Variants in KCNK9 observed in about 807,000 individuals in gnomAD.
The protein encoded by KCNK9 is potassium two pore domain channel subfamily K member 9.
Under a neutral mutation model 10.8 loss-of-function variants are expected in KCNK9, and 1 was observed. That is an observed-to-expected ratio of 0.09 (90% CI 0.03 to 0.44). The LOEUF is 0.44. KCNK9 is among the 20% of genes least tolerant of loss of function. The pLI is 0.97. For synonymous variants in KCNK9, 231 were observed against 222.7 expected (o/e 1.04, Z -0.33); for missense variants, 303 against 515.0 (o/e 0.59, Z 3.98).
intron 2 of KCNK9, among the ~76,000 whole-genome samples, chr8:139,606,329 C>A (rs2130077101): frequency 6.6e-6 from 1 of 152,232 alleles, no homozygotes; most frequent in East Asian, 1.9e-4. Context: ...AAACCCAGGT[C>A]CCCTTACTGC....
intron 1 of KCNK9, among the ~76,000 whole-genome samples, chr8:139,662,367 C>G (rs573050391): frequency 6.6e-6 from 1 of 152,086 alleles, no homozygotes; most frequent in East Asian, 1.9e-4. Flanking sequence ...CGAGGGGACA[C>G]GCAGGTGGCC....
At chr8:139,659,477 C>A (rs1468100551) in intron 1 of KCNK9, among the ~76,000 whole-genome samples, 2 of 96,138 alleles carry the variant, frequency 2.1e-5, no homozygotes, top group South Asian at 3.2e-4. Flanking sequence ...TTGGACCCTA[C>A]CCCTGTATTG....
intron 2 of KCNK9, among the ~76,000 whole-genome samples, chr8:139,603,867 T>C (rs1303645114): frequency 6.6e-6 from 1 of 152,200 alleles, no homozygotes; most frequent in African/African-American, 2.4e-5. Context: ...GAAATAGAAA[T>C]TGCCTTAGGT....
At chr8:139,634,128 T>C (rs530616729) in intron 1 of KCNK9, among the ~76,000 whole-genome samples, 5 of 152,358 alleles carry the variant, frequency 3.3e-5, no homozygotes, top group Admixed American at 6.5e-5. Context: ...GGTGGACTCA[T>C]GGGCCTGAGT....
chr8:139,618,139 G>C lies in KCNK9; in HGVS notation c.*119C>G. 1.5e-6 allele frequency: 2 copies of C among 1,375,518 alleles called. No individual in the cohort carries two copies. The highest frequency in any genetic ancestry group is 4.9e-5 in the East Asian group (2 of 40,450). 85.2% of individuals were successfully genotyped at this position (1,375,518 alleles called of 1,614,324 possible). A position where few individuals can be genotyped will look rare whatever the true frequency, so the allele number is the denominator to read the frequency against. ...CAAGAGACCAAGAAAGGAGGAAGGA[G>C]AGAAAGTAATAATGATGACAATAAT... On this transcript the variant is annotated 3_prime_UTR_variant, in exon 2 of 2. Coordinates refer to ENST00000520439, the MANE Select transcript of KCNK9 (RefSeq NM_001282534.2). The surrounding 1 kb of genome is among the most constrained non-coding windows in gnomAD (Gnocchi z 7.9).
intron 1 of KCNK9, among the ~76,000 whole-genome samples, chr8:139,686,315 A>T (rs1816786544): frequency 6.6e-6 from 1 of 152,236 alleles, no homozygotes; most frequent in Admixed American, 6.5e-5. Flanking sequence ...CTATCATCAG[A>T]TCGAACAGGC....
chr8:139,646,236 G>C (rs545679682), intron 1 of KCNK9, among the ~76,000 whole-genome samples: 1 of 152,352 alleles, frequency 6.6e-6, no homozygotes, highest in South Asian at 2.1e-4. Context: ...ACCCTTCTTT[G>C]GAGCTCATGG....
At chr8:139,700,690 G>A (rs1029505374) in intron 1 of KCNK9, among the ~76,000 whole-genome samples, 2 of 152,224 alleles carry the variant, frequency 1.3e-5, no homozygotes, top group Non-Finnish European at 2.9e-5. Context: ...CCCCTGAGGC[G>A]AAGCCGACAC....
chr8:139,699,834 G>A (rs1015891182), intron 1 of KCNK9, among the ~76,000 whole-genome samples: 2 of 152,214 alleles, frequency 1.3e-5, no homozygotes, highest in Non-Finnish European at 2.9e-5. Flanking sequence ...AGCTGCATCT[G>A]AGAAGAAGCC....
At chr8:139,676,441 A>G (rs779268470) in intron 1 of KCNK9, among the ~76,000 whole-genome samples, 2 of 152,168 alleles carry the variant, frequency 1.3e-5, no homozygotes. Flanking sequence ...GGTACAGTGC[A>G]GGCACTCATA....
At chr8:139,611,753 T>A (rs1218721021), downstream of KCNK9, 2 of 152,262 alleles carry the variant, frequency 1.3e-5, no homozygotes, top group Non-Finnish European at 2.9e-5. Flanking sequence ...TGCCGTTGAA[T>A]CACCAGTGCT....
At chr8:139,674,441 G>A (rs1196556760) in intron 1 of KCNK9, among the ~76,000 whole-genome samples, 4 of 152,176 alleles carry the variant, frequency 2.6e-5, no homozygotes, top group Non-Finnish European at 4.4e-5. Flanking sequence ...TGAGTATAGG[G>A]GGCCAGGGCC....
intron 1 of KCNK9, among the ~76,000 whole-genome samples, chr8:139,688,869 T>C (rs1162259617): frequency 6.6e-6 from 1 of 152,208 alleles, no homozygotes; most frequent in Non-Finnish European, 1.5e-5. Context: ...TGATCTCGCT[T>C]AATCCTCACA....
At chr8:139,650,429 C>A (rs1193346692) in intron 1 of KCNK9, among the ~76,000 whole-genome samples, 2 of 152,118 alleles carry the variant, frequency 1.3e-5, no homozygotes, top group African/African-American at 4.8e-5. Context: ...CCAAAGAACC[C>A]GAGGGTGGGC....
At chr8:139,623,898 G>A (rs1563720800) in intron 1 of KCNK9, among the ~76,000 whole-genome samples, 1 of 152,272 alleles carries the variant, frequency 6.6e-6, no homozygotes, top group East Asian at 1.9e-4. Flanking sequence ...CTCCGACTGC[G>A]GGTGAGATCT....
intron 1 of KCNK9, among the ~76,000 whole-genome samples, chr8:139,652,781 G>A (rs1003128852): frequency 5.3e-5 from 8 of 152,282 alleles, no homozygotes; most frequent in East Asian, 3.9e-4. Context: ...TACTGGCTGC[G>A]GGAGCACCCC....
intron 1 of KCNK9, among the ~76,000 whole-genome samples, chr8:139,663,914 C>A (rs888375039): frequency 5.3e-5 from 8 of 152,084 alleles, no homozygotes; most frequent in Non-Finnish European, 8.8e-5. Flanking sequence ...ATACAGGAAG[C>A]GTGAAGTCAG....
chr8:139,645,824 C>T (rs1815658871), intron 1 of KCNK9, among the ~76,000 whole-genome samples: 1 of 152,222 alleles, frequency 6.6e-6, no homozygotes, highest in Middle Eastern at 3.2e-3. Context: ...CCTGCCTGCT[C>T]TCTGGCCTCC....
chr8:139,628,609 G>A (rs966112665), intron 1 of KCNK9, among the ~76,000 whole-genome samples: 1 of 152,152 alleles, frequency 6.6e-6, no homozygotes, highest in Non-Finnish European at 1.5e-5. Context: ...TTATTCTCAG[G>A]CTTGGCACCA....
Sources: gnomAD v4.1 joint callset for allele counts (sites outside exome capture counted in the v4.1 genomes callset) on GRCh38, gnomAD v4.1.1 for gene constraint, Gnocchi (gnomAD v3.1) non-coding constraint, MANE v1.5 for transcripts, NCBI Gene and HGNC (gene_info 2026-07-23, HGNC 2026-07-21) for gene names.